Variants in STIM2 observed in about 807,000 individuals in gnomAD.
STIM2 encodes stromal interaction molecule 2.
STIM2 carries 31 observed loss-of-function variants against 85.8 expected under a neutral mutation model. The ratio of observed to expected loss-of-function variants is 0.36; its 90% CI spans 0.27 to 0.49. STIM2 has a LOEUF of 0.49. STIM2 is among the 20% of genes least tolerant of loss of function. STIM2 has a pLI of 0.98. For synonymous variants in STIM2, 356 were observed against 331.1 expected (o/e 1.08, Z -0.82); for missense variants, 841 against 927.6 (o/e 0.91, Z 1.21).
intron 3 of STIM2, among the ~76,000 whole-genome samples, chr4:26,959,123 G>C (rs1726357271): frequency 6.6e-6 from 1 of 152,142 alleles, no homozygotes; most frequent in Non-Finnish European, 1.5e-5. Flanking sequence ...AATTAGATCT[G>C]CTCATTACTC....
intron 3 of STIM2, among the ~76,000 whole-genome samples, chr4:26,963,591 G>A (rs1003963612): frequency 6.6e-6 from 1 of 152,134 alleles, no homozygotes; most frequent in African/African-American, 2.4e-5. Context: ...TCCTCCAGGA[G>A]TTTAACAGTG....
At chr4:26,970,851 TCCC>T (rs1220129985) in intron 3 of STIM2, among the ~76,000 whole-genome samples, 112 of 152,334 alleles carry the variant, frequency 7.4e-4, no homozygotes, top group South Asian at 7.0e-3. Context: ...TAACTTACAC[TCCC>T]ACCAACAGTG....
At chr4:26,927,838 A>G (rs1448818837) in intron 2 of STIM2, among the ~76,000 whole-genome samples, 1 of 135,844 alleles carries the variant, frequency 7.4e-6, no homozygotes, top group African/African-American at 3.1e-5. Flanking sequence ...TAATTATATA[A>G]ATTATATATT....
intron 1 of STIM2, among the ~76,000 whole-genome samples, chr4:26,898,148 G>T (rs915378976): frequency 2.0e-5 from 3 of 152,164 alleles, no homozygotes; most frequent in African/African-American, 4.8e-5. Flanking sequence ...TCACTTTTCA[G>T]ACAGCACTTC....
In STIM2 at chr4:27,008,457, A is replaced by T. The variant is rs757451167; in HGVS notation, c.1179A>T (p.Thr393=). 51 of 1,592,884 alleles carry T rather than the reference A, an allele frequency of 3.2e-5. No homozygotes were observed. Among genetic ancestry groups the T allele is most frequent in the Admixed American group, 2.1e-4 (12 of 57,108 alleles). ...AAAAAATTAAAAAGAAGAGAAGCACAGTCTTTGGGACTCTGCACGTTGCAC... is the reference window on the plus strand; with the variant it reads ...AAAAAATTAAAAAGAAGAGAAGCACTGTCTTTGGGACTCTGCACGTTGCAC... Residue 393 remains threonine, a synonymous_variant, in exon 9 of 12, where the codon ACA becomes ACT. Coordinates refer to ENST00000467087, the MANE Select transcript of STIM2 (RefSeq NM_020860.4).
chr4:26,980,007 T>C (rs907197715), intron 3 of STIM2, among the ~76,000 whole-genome samples: 2 of 152,174 alleles, frequency 1.3e-5, no homozygotes, highest in African/African-American at 4.8e-5. Context: ...CAAGCGATCC[T>C]CCCATCTTGG....
chr4:26,929,889 G>A (rs1725141258), intron 2 of STIM2, among the ~76,000 whole-genome samples: 1 of 151,902 alleles, frequency 6.6e-6, no homozygotes, highest in African/African-American at 2.4e-5. Flanking sequence ...GAGATGATGG[G>A]GGCTGTAATG....
At chr4:27,007,766 C>A in intron 8 of STIM2, 66 bp downstream of exon 8, 2 of 1,428,132 alleles carry the variant, frequency 1.4e-6, no homozygotes, top group Non-Finnish European at 1.9e-6. Context: ...AGGGATTACT[C>A]AGCTGGGATA....
intron 2 of STIM2, among the ~76,000 whole-genome samples, chr4:26,952,473 G>A (rs1386754743): frequency 2.0e-5 from 3 of 152,104 alleles, no homozygotes; most frequent in Non-Finnish European, 4.4e-5. Context: ...TTGACATTGA[G>A]TGTCGACTAT....
rs1341271307 is a variant in STIM2 at position 27,017,730 on chromosome 4, T to C, written c.1509T>C (p.Pro503=). Residue 503 remains proline, a synonymous_variant, in exon 11 of 12, where the codon CCT becomes CCC. Transcript: ENST00000467087. ...TTTCAGGGACCATGGCTAAACCTCC[T>C]GGATCATTAGCCAGAAGCAGCAGCC... 2 of 1,614,152 alleles carry C rather than the reference T, an allele frequency of 1.2e-6. No individual in the cohort carries two copies. The highest frequency in any genetic ancestry group is 2.2e-5 in the East Asian group (1 of 44,870).
In STIM2 at chr4:27,022,542, A is replaced by T. The variant is rs779007168; in HGVS notation, c.1787A>T (p.Glu596Val). ...AGGGAAGTGCCAGACACAGCTTCAG[A>T]ATGTGACTCCTTAAATTCTTCCATT... Residue 596 changes from glutamate to valine, a missense_variant, in exon 12 of 12, where the codon GAA (glutamate) becomes GTA (valine). This residue lies in a region of STIM2 where 293 missense variants were observed against 284.5 expected (regional missense o/e 1.03). Coordinates refer to ENST00000467087, the MANE Select transcript of STIM2 (RefSeq NM_020860.4). The T allele has an allele frequency of 3.1e-6, 5 of 1,599,924 alleles. No homozygotes were observed. The highest frequency in any genetic ancestry group is 1.7e-4 in the Middle Eastern group (1 of 6,020).
chr4:26,866,758 A>G lies in STIM2; in HGVS notation c.151+5389A>G, dbSNP rs560748128. Among the ~76,000 whole-genome samples, 13 of 152,320 alleles carry G rather than the reference A, an allele frequency of 8.5e-5. No homozygotes were observed. In the South Asian group the frequency reaches 2.7e-3, roughly 32 times the overall value. On this transcript the variant is annotated intron_variant, in intron 1 of 11. Transcript: ENST00000467087. ...GGCAAGAATGAGACATCCAGGACAA[A>G]TATGGTACCTTTTCTTGGCATATCC...
At chr4:26,919,887 T>C (rs1298488666) in intron 2 of STIM2, among the ~76,000 whole-genome samples, 1 of 152,218 alleles carries the variant, frequency 6.6e-6, no homozygotes, top group Non-Finnish European at 1.5e-5. Context: ...TTCTCAAACA[T>C]GTATCCTATT....
At chr4:26,951,073 C>T (rs1726030995) in intron 2 of STIM2, among the ~76,000 whole-genome samples, 1 of 152,064 alleles carries the variant, frequency 6.6e-6, no homozygotes, top group Admixed American at 6.6e-5. Context: ...CCTGCTTTTA[C>T]ATTTTGCCCT....
chr4:26,964,423 G>C (rs982673175), intron 3 of STIM2, among the ~76,000 whole-genome samples: 1 of 152,094 alleles, frequency 6.6e-6, no homozygotes, highest in Non-Finnish European at 1.5e-5. Context: ...TAGAAGGCCT[G>C]GTAATGTAGA....
chr4:26,986,111 G>A (rs1727574925), intron 3 of STIM2, among the ~76,000 whole-genome samples: 1 of 152,110 alleles, frequency 6.6e-6, no homozygotes, highest in Non-Finnish European at 1.5e-5. Context: ...TTGAGCAAGT[G>A]GCTTAAACTC....
At chr4:26,996,434 T>C (rs1727963570) in intron 4 of STIM2, among the ~76,000 whole-genome samples, 1 of 152,042 alleles carries the variant, frequency 6.6e-6, no homozygotes, top group Non-Finnish European at 1.5e-5. Context: ...TAATGAAATA[T>C]ATACATTGTG....
chr4:26,944,392 T>A (rs1471380263), intron 2 of STIM2, among the ~76,000 whole-genome samples: 1 of 152,190 alleles, frequency 6.6e-6, no homozygotes, highest in Non-Finnish European at 1.5e-5. Flanking sequence ...TTTGACTTGT[T>A]TTCTTAGTTT....
At chr4:26,878,472 C>T (rs1392438291) in intron 1 of STIM2, among the ~76,000 whole-genome samples, 1 of 152,062 alleles carries the variant, frequency 6.6e-6, no homozygotes, top group African/African-American at 2.4e-5. Flanking sequence ...TCTATCTCTC[C>T]CCTAGGAGCA....
Sources: gnomAD v4.1 joint callset for allele counts (sites outside exome capture counted in the v4.1 genomes callset) on GRCh38, gnomAD v4.1.1 for gene constraint, gnomAD v4.1.1 regional missense constraint, MANE v1.5 for transcripts, NCBI Gene and HGNC (gene_info 2026-07-23, HGNC 2026-07-21) for gene names.